The following IQGAP2 variants were observed in gnomAD, a reference collection of about 807,000 sequenced individuals.
IQGAP2 encodes ras GTPase-activating-like protein IQGAP2.
IQGAP2 carries 173 observed loss-of-function variants against 201.3 expected under a neutral mutation model. The observed-to-expected ratio is 0.86, with a 90% CI of 0.76 to 0.98. IQGAP2 has a LOEUF of 0.98. Among genes scored for constraint, IQGAP2 ranks in the 50% least tolerant of loss-of-function variants. The pLI is 0.00. For missense variants in IQGAP2, 1,687 were observed against 1,864.8 expected, an observed-to-expected ratio of 0.90 and a Z score of 1.76; for synonymous variants, 675 against 673.9, an observed-to-expected ratio of 1.00 and a Z score of -0.03.
chr5:76,504,402 C>A (rs1450871814), intron 2 of IQGAP2, among the ~76,000 whole-genome samples: 1 of 152,162 alleles, frequency 6.6e-6, no homozygotes, highest in Non-Finnish European at 1.5e-5. Flanking sequence ...CTTATTACTA[C>A]TATTTTACTG....
At chr5:76,441,750 C>T (rs1753053211) in intron 1 of IQGAP2, among the ~76,000 whole-genome samples, 1 of 152,118 alleles carries the variant, frequency 6.6e-6, no homozygotes, top group Non-Finnish European at 1.5e-5. Context: ...TAAAAGATAT[C>T]AAAACTAAAG....
intron 9 of IQGAP2, among the ~76,000 whole-genome samples, chr5:76,594,676 G>A (rs541757575): frequency 3.2e-4 from 49 of 152,196 alleles, no homozygotes; most frequent in Non-Finnish European, 6.3e-4. Context: ...TTTAAAATAC[G>A]TAAGAATCAG....
chr5:76,681,358 A>C (rs2150509971), intron 28 of IQGAP2, among the ~76,000 whole-genome samples: 1 of 152,182 alleles, frequency 6.6e-6, no homozygotes, highest in Non-Finnish European at 1.5e-5. Flanking sequence ...ATATATAAAG[A>C]ATTCCTACGA....
At chr5:76,432,652 C>T (rs1225078744) in intron 1 of IQGAP2, among the ~76,000 whole-genome samples, 1 of 152,248 alleles carries the variant, frequency 6.6e-6, no homozygotes, top group African/African-American at 2.4e-5. Flanking sequence ...GTAAGAATAA[C>T]TTAAACGGTG....
At chr5:76,592,962 C>T (rs1331923932) in intron 9 of IQGAP2, 37 bp downstream of exon 9, 23 of 1,372,914 alleles carry the variant, frequency 1.7e-5, no homozygotes, top group African/African-American at 5.7e-5. Context: ...TTGATATTTC[C>T]GTAAGATACA....
chr5:76,588,815 C>A, intron 5 of IQGAP2, 91 bp from the exon 6 acceptor site: 2 of 687,262 alleles, frequency 2.9e-6, no homozygotes, highest in Admixed American at 3.1e-5. Context: ...TAGGTCTTTT[C>A]AACTGAAAAA....
intron 1 of IQGAP2, among the ~76,000 whole-genome samples, chr5:76,452,400 G>GA (rs1298636755): frequency 2.0e-5 from 3 of 151,936 alleles, no homozygotes; most frequent in African/African-American, 7.2e-5. Context: ...CTCCCCCCAG[G>GA]AAGGGGGACA....
intron 2 of IQGAP2, among the ~76,000 whole-genome samples, chr5:76,559,906 G>A (rs1041291444): frequency 9.9e-5 from 15 of 152,128 alleles, no homozygotes; most frequent in Non-Finnish European, 2.9e-5. Flanking sequence ...TCCAGGGTTG[G>A]TGCCCACCCC....
At chr5:76,451,890 A>T (rs1753776067) in intron 1 of IQGAP2, among the ~76,000 whole-genome samples, 1 of 152,118 alleles carries the variant, frequency 6.6e-6, no homozygotes, top group Non-Finnish European at 1.5e-5. Flanking sequence ...CAAAATAATT[A>T]AATGAACGTG....
At chr5:76,583,606 T>G (rs1561483561) in intron 5 of IQGAP2, among the ~76,000 whole-genome samples, 1 of 152,192 alleles carries the variant, frequency 6.6e-6, no homozygotes, top group African/African-American at 2.4e-5. Flanking sequence ...AAAGCAAAGA[T>G]TCTTCCATGT....
At position 76,618,207 on chromosome 5, in the gene IQGAP2, C is replaced by T. The variant is rs771397224; in HGVS notation, c.1521+7024C>T. ...GCCATAGAAGATGACTGTGGTGGCC[C>T]GGCACAGGACCTCTCCAAATACCCA... On this transcript the variant is annotated intron_variant, in intron 13 of 35. Transcript: ENST00000274364. 108 of 1,613,982 alleles carry T rather than the reference C, an allele frequency of 6.7e-5. No individual in the cohort carries two copies. The highest frequency in any genetic ancestry group is 2.3e-4 in the African/African-American group (17 of 74,890).
At chr5:76,460,016 T>C (rs1754340915) in intron 1 of IQGAP2, among the ~76,000 whole-genome samples, 2 of 152,130 alleles carry the variant, frequency 1.3e-5, no homozygotes, top group South Asian at 4.1e-4. Context: ...TGGAAGGTAG[T>C]TTTTCTGTAC....
At chr5:76,617,365 A>G in intron 13 of IQGAP2, 1 of 451,532 alleles carries the variant, frequency 2.2e-6, no homozygotes, top group African/African-American at 1.9e-5. Context: ...CAGAGGTTGC[A>G]ATGAGCCAAG....
chr5:76,550,661 G>A (rs1359106700), intron 2 of IQGAP2, among the ~76,000 whole-genome samples: 2 of 152,142 alleles, frequency 1.3e-5, no homozygotes, highest in Non-Finnish European at 2.9e-5. Flanking sequence ...AGAGAGCACG[G>A]GGTTGGGGGT....
At chr5:76,654,613 G>A (rs759466833) in intron 19 of IQGAP2, among the ~76,000 whole-genome samples, 8 of 152,192 alleles carry the variant, frequency 5.3e-5, no homozygotes, top group Non-Finnish European at 1.2e-4. Flanking sequence ...GCCCCTGGGA[G>A]GGATTTCTTC....
intron 5 of IQGAP2, among the ~76,000 whole-genome samples, chr5:76,582,240 C>T (rs1346627987): frequency 1.3e-5 from 2 of 152,198 alleles, no homozygotes; most frequent in Admixed American, 6.5e-5. Context: ...TTCCCTACTT[C>T]TAAGAAAATT....
intron 13 of IQGAP2, among the ~76,000 whole-genome samples, chr5:76,621,819 T>A (rs190246632): frequency 6.6e-6 from 1 of 152,206 alleles, no homozygotes; most frequent in Non-Finnish European, 1.5e-5. Flanking sequence ...GAGGCTTCCA[T>A]TGGGCATAAT....
intron 21 of IQGAP2, among the ~76,000 whole-genome samples, chr5:76,662,776 T>G (rs538777197): frequency 1.3e-5 from 2 of 152,344 alleles, no homozygotes; most frequent in South Asian, 4.1e-4. Flanking sequence ...GCACTTCCTT[T>G]CTTTGTACTG....
At position 76,671,768 on chromosome 5, in the gene IQGAP2, G is replaced by A; in HGVS notation, c.2853G>A (p.Val951=). The change falls in exon 24 of 36, where the codon GTG becomes GTA. Residue 951 remains valine, a synonymous_variant. Transcript: ENST00000274364. ...TALEEEIKSK[V]DQVQDIVTGN... ...TCTTGGGCTTTTTTAGATCAAAAGT[G>A]GACCAGGTACAGGACATAGTTACTG... The A allele has an allele frequency of 6.2e-7, 1 of 1,611,988 alleles. No homozygotes were observed. Among genetic ancestry groups the A allele is most frequent in the Non-Finnish European group, 8.5e-7 (1 of 1,178,364 alleles).
Sources: allele counts gnomAD v4.1 joint callset (sites outside exome capture counted in the v4.1 genomes callset), GRCh38; gene constraint gnomAD v4.1.1; transcripts MANE v1.5; gene names NCBI Gene and HGNC (gene_info 2026-07-23, HGNC 2026-07-21).